Variants in CYB5R4 observed in about 807,000 individuals in gnomAD.
CYB5R4 encodes N-terminal cytochrome b5 and cytochrome b5 oxidoreductase domain-containing protein.
In CYB5R4, 55 loss-of-function variants were observed where a neutral mutation model predicts 70.2. The ratio of observed to expected loss-of-function variants is 0.78; its 90% CI spans 0.63 to 0.98. The LOEUF is 0.98. Among genes scored for constraint, CYB5R4 ranks in the 50% least tolerant of loss-of-function variants. CYB5R4 has a pLI of 0.00. For synonymous variants in CYB5R4, 197 were observed against 199.5 expected (o/e 0.99, Z 0.11); for missense variants, 562 against 612.6 (o/e 0.92, Z 0.87).
intron 2 of CYB5R4, among the ~76,000 whole-genome samples, chr6:83,878,201 G>T (rs1315432110): frequency 2.0e-5 from 3 of 151,256 alleles, no homozygotes; most frequent in Non-Finnish European, 4.4e-5. Context: ...TTTCTCATCT[G>T]TTAGATGTCA....
intron 14 of CYB5R4, among the ~76,000 whole-genome samples, chr6:83,953,781 G>A (rs994655161): frequency 1.3e-5 from 2 of 152,092 alleles, no homozygotes; most frequent in Admixed American, 1.3e-4. Flanking sequence ...GGCTAGAGGA[G>A]GAGGGAATAA....
chr6:83,896,293 A>G (rs1007639378), intron 3 of CYB5R4, among the ~76,000 whole-genome samples: 5 of 152,220 alleles, frequency 3.3e-5, no homozygotes, highest in African/African-American at 1.2e-4. Context: ...TCTTAAAGAC[A>G]ATCATCTTAG....
chr6:83,901,034 A>G (rs2099462857), intron 3 of CYB5R4, among the ~76,000 whole-genome samples: 1 of 152,190 alleles, frequency 6.6e-6, no homozygotes, highest in Admixed American at 6.5e-5. Flanking sequence ...TTTGCTCGTT[A>G]GCTGATGCAG....
intron 3 of CYB5R4, among the ~76,000 whole-genome samples, chr6:83,908,616 T>C (rs1409943015): frequency 6.6e-6 from 1 of 152,202 alleles, no homozygotes. Context: ...AAGATAATAA[T>C]TACTAGTACT....
At chr6:83,954,806 T>G (rs765386267) in intron 14 of CYB5R4, among the ~76,000 whole-genome samples, 4 of 152,050 alleles carry the variant, frequency 2.6e-5, no homozygotes, top group Non-Finnish European at 5.9e-5. Context: ...CATATCTCAC[T>G]GGATCAAACG....
At chr6:83,918,760 T>C (rs1159566163) in intron 6 of CYB5R4, among the ~76,000 whole-genome samples, 1 of 152,100 alleles carries the variant, frequency 6.6e-6, no homozygotes, top group African/African-American at 2.4e-5. Context: ...TTTTTTCTTT[T>C]ACCCCTTTTC....
At chr6:83,882,318 A>G (rs1311780707) in intron 2 of CYB5R4, among the ~76,000 whole-genome samples, 1 of 152,116 alleles carries the variant, frequency 6.6e-6, no homozygotes, top group Non-Finnish European at 1.5e-5. Context: ...GGAAGGGGAG[A>G]AGATCCAGAA....
In CYB5R4 at chr6:83,962,493, T is replaced by A. The variant is rs2099473488; in HGVS notation, c.*2615T>A. ...CATTTGCTTGCAAATTCTGCTTTTT[T>A]TAAAAAAAAGTTTATTAATTTTCTA... On this transcript the variant is annotated 3_prime_UTR_variant, in exon 16 of 16. Transcript: ENST00000369681. 6.6e-6 allele frequency: 1 copy of A among 152,162 alleles called. No individual in the cohort carries two copies. The highest frequency in any genetic ancestry group is 2.1e-4 in the South Asian group (1 of 4,834). 9.4% of individuals were successfully genotyped at this position (152,162 alleles called of 1,614,324 possible).
intron 14 of CYB5R4, among the ~76,000 whole-genome samples, chr6:83,948,948 C>T (rs931704207): frequency 1.3e-5 from 2 of 151,894 alleles, no homozygotes; most frequent in African/African-American, 4.8e-5. Flanking sequence ...CTTTATCCTC[C>T]CTCTGCTGTT....
chr6:83,878,898 A>G (rs1372964491), intron 2 of CYB5R4, among the ~76,000 whole-genome samples: 1 of 152,070 alleles, frequency 6.6e-6, no homozygotes, highest in Admixed American at 6.5e-5. Flanking sequence ...GCAATGCTAG[A>G]GGGTTTTTTT....
intron 2 of CYB5R4, among the ~76,000 whole-genome samples, chr6:83,890,061 G>A (rs557465733): frequency 1.8e-4 from 28 of 152,160 alleles, no homozygotes; most frequent in African/African-American, 6.5e-4. Flanking sequence ...TTCTAACACG[G>A]CATCCATCCT....
intron 11 of CYB5R4, 134 bp downstream of exon 11, chr6:83,934,869 G>C: frequency 1.3e-6 from 1 of 784,030 alleles, no homozygotes; most frequent in Non-Finnish European, 1.9e-6. Context: ...GTGATAGTCA[G>C]AATGTAGGTT....
intron 10 of CYB5R4, among the ~76,000 whole-genome samples, chr6:83,925,329 G>A (rs1344931135): frequency 6.6e-6 from 1 of 152,036 alleles, no homozygotes; most frequent in East Asian, 1.9e-4. Context: ...ATTCATGAAG[G>A]ATCCGCCCCC....
intron 3 of CYB5R4, among the ~76,000 whole-genome samples, chr6:83,895,156 C>T (rs1456047942): frequency 1.3e-5 from 2 of 152,064 alleles, no homozygotes; most frequent in Non-Finnish European, 2.9e-5. Flanking sequence ...TCTCTGTCTG[C>T]CTGCCTGCTG....
chr6:83,914,746 A>T (rs1233758185), intron 5 of CYB5R4, among the ~76,000 whole-genome samples: 1 of 151,862 alleles, frequency 6.6e-6, no homozygotes, highest in Non-Finnish European at 1.5e-5. Context: ...CATGTTGGTC[A>T]GGCTGGTCTT....
At chr6:83,944,472 T>C (rs1384984141) in intron 14 of CYB5R4, among the ~76,000 whole-genome samples, 2 of 152,140 alleles carry the variant, frequency 1.3e-5, no homozygotes, top group African/African-American at 4.8e-5. Context: ...TACCAGCCAC[T>C]GCAGAAACAT....
chr6:83,925,504 A>G (rs536579022), intron 10 of CYB5R4, among the ~76,000 whole-genome samples: 15 of 152,300 alleles, frequency 9.8e-5, no homozygotes, highest in African/African-American at 3.4e-4. Context: ...TAACATATAT[A>G]TAGAAAAGGG....
intron 2 of CYB5R4, among the ~76,000 whole-genome samples, chr6:83,868,165 A>G (rs932069390): frequency 6.6e-6 from 1 of 151,184 alleles, no homozygotes; most frequent in Non-Finnish European, 1.5e-5. Context: ...ATGGTATCAT[A>G]GTGCCTTTTT....
chr6:83,917,143 C>G (rs569677557), intron 5 of CYB5R4, among the ~76,000 whole-genome samples: 112 of 152,156 alleles, frequency 7.4e-4, no homozygotes, highest in Non-Finnish European at 1.2e-3. Flanking sequence ...TTTTAAAATG[C>G]ATCATACACC....
Sources: gnomAD v4.1 joint callset for allele counts (sites outside exome capture counted in the v4.1 genomes callset) on GRCh38, gnomAD v4.1.1 for gene constraint, MANE v1.5 for transcripts, NCBI Gene and HGNC (gene_info 2026-07-23, HGNC 2026-07-21) for gene names.